The following ATL1 variants were observed in gnomAD, a reference collection of about 807,000 sequenced individuals.
ATL1 encodes the protein atlastin-1.
Under a neutral mutation model 75.5 loss-of-function variants are expected in ATL1, and 31 were observed. The observed-to-expected ratio is 0.41, with a 90% confidence interval of 0.31 to 0.55. ATL1 has a LOEUF of 0.55. Among genes scored for constraint, ATL1 ranks in the 20% least tolerant of loss-of-function variants. The pLI is 0.27. For missense variants in ATL1, 405 were observed against 662.6 expected (o/e 0.61, Z 4.27); for synonymous variants, 226 against 233.3 (o/e 0.97, Z 0.28).
intron 1 of ATL1, among the ~76,000 whole-genome samples, chr14:50,583,731 C>T (rs1164167913): frequency 6.6e-6 from 1 of 152,076 alleles, no homozygotes; most frequent in Non-Finnish European, 1.5e-5. Flanking sequence ...TAGCCAAGAC[C>T]AATAATAATT....
At chr14:50,621,819 A>C (rs2039469285) in intron 9 of ATL1, 24 bp from the exon 10 acceptor site, 1 of 1,464,128 alleles carries the variant, frequency 6.8e-7, no homozygotes, top group Non-Finnish European at 9.5e-7. Flanking sequence ...TTGCTTGAAC[A>C]TGAATCTTTT....
At chr14:50,583,337 C>T (rs1228449439) in intron 1 of ATL1, among the ~76,000 whole-genome samples, 5 of 152,174 alleles carry the variant, frequency 3.3e-5, no homozygotes, top group Admixed American at 1.3e-4. Flanking sequence ...AAAGTATCTA[C>T]ATAAATTTTA....
At chr14:50,571,885 TG>T in intron 1 of ATL1, 1 of 194,318 alleles carries the variant, frequency 5.1e-6, no homozygotes, top group Non-Finnish European at 1.1e-5. Flanking sequence ...AGAGGCGACA[TG>T]GATTTCTCTG....
chr14:50,628,224 G>C lies in ATL1; in HGVS notation c.1313G>C (p.Ser438Thr), dbSNP rs1197546458. 6.2e-7 allele frequency: 1 copy of C among 1,614,168 alleles called. No homozygotes were observed. Among genetic ancestry groups the C allele is most frequent in the Non-Finnish European group, 8.5e-7 (1 of 1,180,022 alleles). Residue 438 changes from serine to threonine, a missense_variant, in exon 12 of 14, where the codon AGC becomes ACC. Coordinates refer to ENST00000358385, the MANE Select transcript of ATL1 (RefSeq NM_015915.5). ...LYIQYIKHND[S>T]KNIFHAARTP... ...ATCCAATATATCAAGCACAATGATA[G>C]CAAAAATATCTTCCATGCAGCTCGT...
chr14:50,550,149 G>A (rs2038683661), intron 1 of ATL1, among the ~76,000 whole-genome samples: 2 of 152,186 alleles, frequency 1.3e-5, no homozygotes, highest in South Asian at 4.1e-4. Context: ...CAGCAGCACT[G>A]ATGCCTGCTG....
intron 1 of ATL1, among the ~76,000 whole-genome samples, chr14:50,565,521 G>A (rs1381700754): frequency 6.6e-6 from 1 of 151,274 alleles, no homozygotes; most frequent in Non-Finnish European, 1.5e-5. Flanking sequence ...TACATGTACT[G>A]TATGATATGT....
intron 8 of ATL1, among the ~76,000 whole-genome samples, chr14:50,616,323 G>A (rs1011154849): frequency 6.6e-6 from 1 of 151,962 alleles, no homozygotes; most frequent in African/African-American, 2.4e-5. Context: ...TAGAGATGGG[G>A]TCTTGCTCTG....
chr14:50,615,759 C>T (rs544146041), intron 8 of ATL1, among the ~76,000 whole-genome samples: 2 of 152,196 alleles, frequency 1.3e-5, no homozygotes, highest in East Asian at 3.9e-4. Flanking sequence ...TAAAGAAAGC[C>T]TTCTTACATA....
chr14:50,603,189 A>G (rs1039909204), intron 6 of ATL1, among the ~76,000 whole-genome samples: 1 of 152,140 alleles, frequency 6.6e-6, no homozygotes, highest in Non-Finnish European at 1.5e-5. Flanking sequence ...TCTTGAGCAT[A>G]TATTTTAGGA....
At chr14:50,577,074 TG>T (rs1231378456) in intron 1 of ATL1, among the ~76,000 whole-genome samples, 5 of 152,214 alleles carry the variant, frequency 3.3e-5, no homozygotes, top group Admixed American at 6.5e-5. Flanking sequence ...TGTTTGTTTT[TG>T]TTTTTGAGAT....
chr14:50,620,832 C>A, intron 9 of ATL1, 106 bp downstream of exon 9: 1 of 1,301,530 alleles, frequency 7.7e-7, no homozygotes, highest in Non-Finnish European at 1.1e-6. Context: ...AGCAAAGGTA[C>A]GAGGAATCTA....
chr14:50,537,071 C>G (rs1182118373), intron 1 of ATL1, among the ~76,000 whole-genome samples: 1 of 152,192 alleles, frequency 6.6e-6, no homozygotes, highest in East Asian at 1.9e-4. Flanking sequence ...CATGGCAGAC[C>G]TTCCCATCAC....
intron 1 of ATL1, among the ~76,000 whole-genome samples, chr14:50,541,959 A>G (rs2038566789): frequency 7.7e-6 from 1 of 129,438 alleles, no homozygotes; most frequent in Non-Finnish European, 1.6e-5. Context: ...GTGAGCCGAG[A>G]TCGCGCCACT....
chr14:50,579,841 A>AT (rs1423786845), intron 1 of ATL1, among the ~76,000 whole-genome samples: 2 of 152,156 alleles, frequency 1.3e-5, no homozygotes, highest in Non-Finnish European at 2.9e-5. Flanking sequence ...TATCACAGAA[A>AT]TTGGCAAATG....
rs2039592275 is a variant in ATL1 at position 50,632,458 on chromosome 14, G to C, written c.*119G>C. On this transcript the variant is annotated 3_prime_UTR_variant, in exon 14 of 14. Transcript: ENST00000358385. Reference sequence around the variant, plus strand: ...ACGGAGTAAAATACTAAACACCTCTGAAGACTGCAAACTGGATTAGTTCTT... The same window carrying C: ...ACGGAGTAAAATACTAAACACCTCTCAAGACTGCAAACTGGATTAGTTCTT... 1 of 710,710 alleles carries C rather than the reference G, an allele frequency of 1.4e-6. No homozygotes were observed. The highest frequency in any genetic ancestry group is 2.5e-6 in the Non-Finnish European group (1 of 397,748). 44.0% of individuals were successfully genotyped at this position (710,710 alleles called of 1,614,324 possible). A position where few individuals can be genotyped will look rare whatever the true frequency, so the allele number is the denominator to read the frequency against.
At chr14:50,603,230 T>A (rs1399737627) in intron 6 of ATL1, among the ~76,000 whole-genome samples, 1 of 152,228 alleles carries the variant, frequency 6.6e-6, no homozygotes, top group African/African-American at 2.4e-5. Context: ...CTCTTCCATG[T>A]CCTCAGTGTC....
intron 1 of ATL1, among the ~76,000 whole-genome samples, chr14:50,551,719 C>T (rs1333771996): frequency 6.6e-6 from 1 of 152,100 alleles, no homozygotes; most frequent in Non-Finnish European, 1.5e-5. Flanking sequence ...GATGGTTTAA[C>T]ATATGCAAAT....
At chr14:50,629,587 A>G (rs1595626563) in intron 12 of ATL1, among the ~76,000 whole-genome samples, 1 of 151,798 alleles carries the variant, frequency 6.6e-6, no homozygotes, top group South Asian at 2.1e-4. Flanking sequence ...ATCTCCCAAA[A>G]AAAAAAAAAA....
At position 50,632,426 on chromosome 14, in the gene ATL1, C is replaced by G. The variant is rs150442236; in HGVS notation, c.*87C>G. On this transcript the variant is annotated 3_prime_UTR_variant, in exon 14 of 14. Coordinates refer to ENST00000358385, the MANE Select transcript of ATL1 (RefSeq NM_015915.5). ...TCCATGCAAACATTCAAAGTGCTTC[C>G]ATCAGAACGGAGTAAAATACTAAAC... is the stretch of plus-strand genomic sequence containing the variant. 224 of 936,302 alleles carry G rather than the reference C, an allele frequency of 2.4e-4. 1 individual carries two copies. Among genetic ancestry groups the G allele is most frequent in the Admixed American group, 5.5e-4 (28 of 50,556 alleles). 58.0% of individuals were successfully genotyped at this position (936,302 alleles called of 1,614,324 possible). A position where few individuals can be genotyped will look rare whatever the true frequency, so the allele number is the denominator to read the frequency against.
Sources: gnomAD v4.1 joint callset for allele counts (sites outside exome capture counted in the v4.1 genomes callset) on GRCh38, gnomAD v4.1.1 for gene constraint, MANE v1.5 for transcripts, NCBI Gene and HGNC (gene_info 2026-07-23, HGNC 2026-07-21) for gene names.